The following RGS6 variants were observed in gnomAD, a reference collection of about 807,000 sequenced individuals.
RGS6 encodes the protein regulator of G-protein signaling 6.
A neutral mutation model predicts 78.5 loss-of-function variants in RGS6; 30 were observed. That is an observed-to-expected ratio of 0.38 (90% CI 0.29 to 0.52). The LOEUF is 0.52. RGS6 is among the 20% of genes least tolerant of loss of function. The pLI, the probability that RGS6 is intolerant of heterozygous loss-of-function variation, is 0.85. For synonymous variants in RGS6, 206 were observed against 206.0 expected (o/e 1.00, Z 0.00); for missense variants, 495 against 609.7 (o/e 0.81, Z 1.98).
upstream of RGS6, among the ~76,000 whole-genome samples, chr14:71,928,931 A>G (rs1211790556): frequency 6.6e-6 from 1 of 152,234 alleles, no homozygotes; most frequent in Non-Finnish European, 1.5e-5. Flanking sequence ...AAAAGGGAAG[A>G]CAATTTTTTT....
At chr14:72,084,447 C>T (rs532606264) in intron 2 of RGS6, among the ~76,000 whole-genome samples, 1 of 152,314 alleles carries the variant, frequency 6.6e-6, no homozygotes, top group East Asian at 1.9e-4. Context: ...TTAAGGATCT[C>T]TGCAAATCCT....
chr14:72,447,691 A>G (rs2095400071), intron 3 of RGS6, among the ~76,000 whole-genome samples: 1 of 152,074 alleles, frequency 6.6e-6, no homozygotes, highest in Non-Finnish European at 1.5e-5. Flanking sequence ...GATGGGTCCC[A>G]TTATTACTGT....
At chr14:72,574,554 C>T in the RGS6 span, among the ~76,000 whole-genome samples, 1 of 152,272 alleles carries the variant, frequency 6.6e-6, no homozygotes, top group African/African-American at 2.4e-5. Flanking sequence ...TGAGATTGGC[C>T]ACGTGGCAGG....
chr14:72,475,857 A>G (rs1337934403), intron 10 of RGS6, among the ~76,000 whole-genome samples: 1 of 114,410 alleles, frequency 8.7e-6, no homozygotes, highest in Non-Finnish European at 1.9e-5. Flanking sequence ...CACACACTAG[A>G]CATGGCGTAT....
intron 2 of RGS6, among the ~76,000 whole-genome samples, chr14:72,308,346 C>T (rs116460760): frequency 2.1e-4 from 32 of 152,292 alleles, no homozygotes; most frequent in African/African-American, 7.7e-4. Flanking sequence ...AACTCAAATC[C>T]ACCTTCTTCC....
At chr14:72,450,944 G>C (rs1171808997) in intron 3 of RGS6, among the ~76,000 whole-genome samples, 1 of 152,216 alleles carries the variant, frequency 6.6e-6, no homozygotes, top group Non-Finnish European at 1.5e-5. Flanking sequence ...TTTCTGACTT[G>C]TTCCTGGGGC....
intron 13 of RGS6, among the ~76,000 whole-genome samples, chr14:72,501,401 A>G (rs889421717): frequency 3.3e-5 from 5 of 152,174 alleles, no homozygotes; most frequent in African/African-American, 9.7e-5. Flanking sequence ...CAGAGGGGAA[A>G]AAAAGGCAAC....
the RGS6 span, among the ~76,000 whole-genome samples, chr14:71,902,387 C>T: frequency 1.3e-5 from 2 of 152,136 alleles, no homozygotes; most frequent in Non-Finnish European, 2.9e-5. Flanking sequence ...AAAAGCAAAA[C>T]CTTTTTTGAG....
intron 2 of RGS6, among the ~76,000 whole-genome samples, chr14:72,121,572 G>A (rs373004516): frequency 7.9e-5 from 12 of 152,280 alleles, no homozygotes; most frequent in East Asian, 7.7e-4. Context: ...GAAAAGCATC[G>A]CTAAGAGAAT....
chr14:72,160,131 T>C (rs1477486987), intron 2 of RGS6, among the ~76,000 whole-genome samples: 1 of 152,208 alleles, frequency 6.6e-6, no homozygotes, highest in Non-Finnish European at 1.5e-5. Context: ...ATAGTAAATG[T>C]TGTTCGATCA....
intron 3 of RGS6, among the ~76,000 whole-genome samples, chr14:72,381,550 T>C (rs959778965): frequency 3.9e-5 from 6 of 152,146 alleles, no homozygotes; most frequent in Non-Finnish European, 8.8e-5. Flanking sequence ...CCATCTTTCA[T>C]GTGCTCTGAT....
intron 2 of RGS6, among the ~76,000 whole-genome samples, chr14:72,168,181 T>C (rs2096955187): frequency 6.6e-6 from 1 of 152,216 alleles, no homozygotes; most frequent in Non-Finnish European, 1.5e-5. Flanking sequence ...TCCCCTTCTT[T>C]TTCCATCCCT....
At chr14:71,964,960 CT>C in intron 2 of RGS6, 85 bp downstream of exon 2, 1 of 876,920 alleles carries the variant, frequency 1.1e-6, no homozygotes. Flanking sequence ...CAAATGTTTT[CT>C]GCCTAAACTG....
chr14:72,335,402 T>G (rs1229395212), intron 2 of RGS6, among the ~76,000 whole-genome samples: 1 of 152,180 alleles, frequency 6.6e-6, no homozygotes, highest in East Asian at 1.9e-4. Context: ...AGGGACTAAT[T>G]CGTCCTAGGG....
intron 3 of RGS6, among the ~76,000 whole-genome samples, chr14:72,416,819 G>T (rs116764829): frequency 0.015 from 2,216 of 152,308 alleles, 17 homozygotes; most frequent in Middle Eastern, 0.031. Flanking sequence ...CACCTCTGAT[G>T]CCAGTTATGT....
chr14:72,626,567 T>C, the RGS6 span, among the ~76,000 whole-genome samples: 1 of 152,168 alleles, frequency 6.6e-6, no homozygotes, highest in African/African-American at 2.4e-5. Context: ...CCATTGTTTA[T>C]TCAACAACTA....
chr14:71,985,698 C>T (rs2094680878), intron 2 of RGS6, among the ~76,000 whole-genome samples: 1 of 152,086 alleles, frequency 6.6e-6, no homozygotes, highest in South Asian at 2.1e-4. Flanking sequence ...TTTTCTTCAC[C>T]TCTAAACCGC....
chr14:72,570,532 G>T (rs564412370), downstream of RGS6, among the ~76,000 whole-genome samples: 16 of 152,350 alleles, frequency 1.1e-4, no homozygotes, highest in Middle Eastern at 3.4e-3. Flanking sequence ...AGAGTGAGGC[G>T]TTATCTATTC....
chr14:72,427,969 A>C (rs1597376902), intron 3 of RGS6, among the ~76,000 whole-genome samples: 1 of 152,038 alleles, frequency 6.6e-6, no homozygotes, highest in South Asian at 2.1e-4. Flanking sequence ...TTCCAACCCC[A>C]ATTTAGGTGG....
Sources: allele counts gnomAD v4.1 joint callset (sites outside exome capture counted in the v4.1 genomes callset), GRCh38; gene constraint gnomAD v4.1.1; transcripts MANE v1.5; gene names NCBI Gene and HGNC (gene_info 2026-07-23, HGNC 2026-07-21).